Variants in TMEM266 observed in about 807,000 individuals in gnomAD.
TMEM266 encodes transmembrane protein 266.
Under a neutral mutation model 50.5 loss-of-function variants are expected in TMEM266, and 33 were observed. The ratio of observed to expected loss-of-function variants is 0.65; its 90% CI spans 0.50 to 0.87. The LOEUF is 0.87. Among genes scored for constraint, TMEM266 ranks in the 40% least tolerant of loss-of-function variants. TMEM266 has a pLI of 0.00. For missense variants in TMEM266, 655 were observed against 695.1 expected (o/e 0.94, Z 0.65); for synonymous variants, 310 against 292.3 (o/e 1.06, Z -0.62).
chr15:76,167,532 C>G (rs2038116270), intron 5 of TMEM266, among the ~76,000 whole-genome samples: 1 of 151,400 alleles, frequency 6.6e-6, no homozygotes, highest in Non-Finnish European at 1.5e-5. Context: ...GAGACAGGGT[C>G]TCTCTGTCAC....
At chr15:76,082,109 C>T (rs1315381085) in intron 1 of TMEM266, among the ~76,000 whole-genome samples, 1 of 152,192 alleles carries the variant, frequency 6.6e-6, no homozygotes, top group African/African-American at 2.4e-5. Flanking sequence ...CATGTCTTTG[C>T]TTAAAAACAC....
intron 3 of TMEM266, among the ~76,000 whole-genome samples, chr15:76,142,154 C>T (rs952377359): frequency 8.5e-5 from 13 of 152,164 alleles, no homozygotes; most frequent in East Asian, 1.9e-4. Context: ...TTTGGGAGGC[C>T]GAGGTAGGCA....
chr15:76,102,316 T>C (rs1287858343), intron 1 of TMEM266, among the ~76,000 whole-genome samples: 1 of 152,154 alleles, frequency 6.6e-6, no homozygotes, highest in African/African-American at 2.4e-5. Flanking sequence ...ATCATAAAAT[T>C]TATTCAGAAG....
At chr15:76,132,571 G>A (rs1047332547) in intron 1 of TMEM266, among the ~76,000 whole-genome samples, 3 of 139,734 alleles carry the variant, frequency 2.1e-5, no homozygotes, top group Non-Finnish European at 1.6e-5. Flanking sequence ...CGAGGCGGGC[G>A]GATCACTTGA....
chr15:76,201,753 G>A (rs1386756306), intron 9 of TMEM266, among the ~76,000 whole-genome samples: 1 of 152,208 alleles, frequency 6.6e-6, no homozygotes, highest in Non-Finnish European at 1.5e-5. Flanking sequence ...GGGGCTATCT[G>A]GATGGCACCT....
chr15:76,155,084 G>A (rs1480717773), intron 3 of TMEM266, among the ~76,000 whole-genome samples: 1 of 152,250 alleles, frequency 6.6e-6, no homozygotes, highest in Non-Finnish European at 1.5e-5. Flanking sequence ...TGACCTGTGA[G>A]TTCAGGAGCA....
intron 5 of TMEM266, 50 bp from the exon 6 acceptor site, chr15:76,169,766 G>T (rs760638246): frequency 2.5e-6 from 4 of 1,577,928 alleles, no homozygotes; most frequent in South Asian, 1.1e-5. Context: ...GAATCTTCTC[G>T]GCTGGAGGAA....
intron 1 of TMEM266, among the ~76,000 whole-genome samples, chr15:76,122,941 A>G (rs1015014261): frequency 6.6e-6 from 1 of 152,216 alleles, no homozygotes; most frequent in African/African-American, 2.4e-5. Context: ...TGGCTTTCTG[A>G]AAAGAGTAAC....
rs1410089423 is a variant in TMEM266, at chr15:76,161,722, C to T, written c.456+1554C>T. On this transcript the variant is annotated intron_variant, in intron 5 of 10. Coordinates refer to ENST00000388942, the MANE Select transcript of TMEM266 (RefSeq NM_152335.3). The surrounding 1 kb of genome is among the most constrained non-coding windows in gnomAD (Gnocchi z 4.1). ...TAACCACCTCCCTGAGACCATTGCC[C>T]TGGAGGTGCCTCTGCCCCGCAGAGC... is the stretch of plus-strand genomic sequence containing the variant. Among the ~76,000 whole-genome samples the T allele has an allele frequency of 2.6e-5, 4 of 152,192 alleles. No homozygotes were observed. The highest frequency in any genetic ancestry group is 9.7e-5 in the African/African-American group (4 of 41,430).
intron 8 of TMEM266, among the ~76,000 whole-genome samples, chr15:76,188,832 C>T (rs1383549499): frequency 6.6e-6 from 1 of 152,124 alleles, no homozygotes; most frequent in African/African-American, 2.4e-5. Flanking sequence ...CTTCCCCAAA[C>T]CCCAATGGAA....
At chr15:76,073,621 T>G (rs866347478) in intron 1 of TMEM266, among the ~76,000 whole-genome samples, 3 of 152,316 alleles carry the variant, frequency 2.0e-5, no homozygotes, top group Middle Eastern at 3.4e-3. Context: ...AAATTGTACT[T>G]CAGTTATATT....
rs186746464 is a variant in TMEM266, at chr15:76,198,192, C to G, written c.959-4010C>G. Reference sequence around the variant, plus strand: ...ATGAAGAAGCTGAAGCTCAGAGTGGCTAAGGGATCTACCTAAGGCCACACA... The same window carrying G: ...ATGAAGAAGCTGAAGCTCAGAGTGGGTAAGGGATCTACCTAAGGCCACACA... On this transcript the variant is annotated intron_variant, in intron 9 of 10. Coordinates refer to ENST00000388942, the MANE Select transcript of TMEM266 (RefSeq NM_152335.3). Among the ~76,000 whole-genome samples, 320 of 152,256 alleles carry G rather than the reference C, an allele frequency of 2.1e-3. 2 individuals are homozygous for G. Among genetic ancestry groups the G allele is most frequent in the African/African-American group, 7.1e-3 (296 of 41,546 alleles).
intron 1 of TMEM266, among the ~76,000 whole-genome samples, chr15:76,103,035 A>C (rs1413978109): frequency 5.9e-5 from 9 of 152,010 alleles, no homozygotes. Flanking sequence ...GGTTTCTGCT[A>C]TGTGGAGGAC....
chr15:76,177,341 C>T (rs554889643), intron 8 of TMEM266, among the ~76,000 whole-genome samples: 20 of 152,298 alleles, frequency 1.3e-4, no homozygotes, highest in East Asian at 1.2e-3. Flanking sequence ...TATTCTGTTG[C>T]GGGTCTTGGT....
intron 8 of TMEM266, among the ~76,000 whole-genome samples, chr15:76,186,366 C>T (rs986388133): frequency 6.6e-6 from 1 of 152,174 alleles, no homozygotes; most frequent in Non-Finnish European, 1.5e-5. Context: ...CTCTGAGGGT[C>T]CCGCTAGCAC....
At chr15:76,180,122 C>G (rs1482655056) in intron 8 of TMEM266, among the ~76,000 whole-genome samples, 1 of 152,174 alleles carries the variant, frequency 6.6e-6, no homozygotes, top group African/African-American at 2.4e-5. Context: ...AATAGTGAAG[C>G]AGGTGCAGAG....
intron 5 of TMEM266, among the ~76,000 whole-genome samples, chr15:76,163,262 C>T (rs1389622002): frequency 2.0e-5 from 3 of 152,218 alleles, no homozygotes; most frequent in African/African-American, 7.2e-5. Flanking sequence ...TGTGCTGGCC[C>T]CAGGCCATAG....
intron 1 of TMEM266, among the ~76,000 whole-genome samples, chr15:76,102,802 G>A (rs1362604389): frequency 1.4e-5 from 2 of 144,596 alleles, no homozygotes; most frequent in Non-Finnish European, 3.0e-5. Flanking sequence ...TGATGCCAGT[G>A]CACTCCAGCC....
intron 3 of TMEM266, among the ~76,000 whole-genome samples, chr15:76,141,633 G>T (rs2037680525): frequency 6.6e-6 from 1 of 152,166 alleles, no homozygotes; most frequent in Admixed American, 6.5e-5. Flanking sequence ...GTAGGCTTCA[G>T]TGGCATTAAG....
Sources: allele counts gnomAD v4.1 joint callset (sites outside exome capture counted in the v4.1 genomes callset), GRCh38; gene constraint gnomAD v4.1.1; non-coding constraint Gnocchi (gnomAD v3.1); transcripts MANE v1.5; gene names NCBI Gene and HGNC (gene_info 2026-07-23, HGNC 2026-07-21).